Variants in EVL observed in about 807,000 individuals in gnomAD.
EVL encodes the protein Enah/Vasp-like, also known as ena/VASP-like protein.
In EVL, 21 loss-of-function variants were observed where a neutral mutation model predicts 59.6. The observed-to-expected ratio is 0.35, with a 90% CI of 0.25 to 0.51. The LOEUF (loss-of-function observed/expected upper bound fraction) is 0.51, where lower values mean the gene tolerates loss of function less well. Among genes scored for constraint, EVL ranks in the 20% least tolerant of loss-of-function variants. The pLI is 0.97. For missense variants in EVL, 462 were observed against 546.6 expected, an observed-to-expected ratio of 0.85 and a Z score of 1.54; for synonymous variants, 198 against 203.5, an observed-to-expected ratio of 0.97 and a Z score of 0.23.
At chr14:100,042,129 A>G (rs2061476783) in intron 1 of EVL, among the ~76,000 whole-genome samples, 1 of 152,254 alleles carries the variant, frequency 6.6e-6, no homozygotes, top group South Asian at 2.1e-4. Context: ...GGTAATATGA[A>G]AATTATTAAT....
At chr14:100,123,624 C>A (rs560774260) in intron 4 of EVL, 22 bp downstream of exon 4, 3 of 1,613,282 alleles carry the variant, frequency 1.9e-6, no homozygotes, top group Non-Finnish European at 2.5e-6. Flanking sequence ...CCCGCAGGGG[C>A]CAGGCTGGTC....
chr14:100,072,656 G>A (rs1036758301), intron 1 of EVL, among the ~76,000 whole-genome samples: 1 of 152,156 alleles, frequency 6.6e-6, no homozygotes, highest in Non-Finnish European at 1.5e-5. Context: ...GAAGTATCAT[G>A]GTATCTGCAG....
intron 2 of EVL, 131 bp downstream of exon 2, chr14:100,084,986 C>A: frequency 1.1e-6 from 1 of 912,548 alleles, no homozygotes; most frequent in East Asian, 2.6e-5. Flanking sequence ...GACCTGGGCT[C>A]AGATTTTGAC....
At chr14:100,061,707 A>T (rs2061838041), upstream of EVL, among the ~76,000 whole-genome samples, 1 of 152,144 alleles carries the variant, frequency 6.6e-6, no homozygotes, top group South Asian at 2.1e-4. Context: ...AGGAAGCCCT[A>T]CCAATAACAT....
At chr14:99,985,544 G>A (rs1352005418) in intron 1 of EVL, among the ~76,000 whole-genome samples, 1 of 151,946 alleles carries the variant, frequency 6.6e-6, no homozygotes, top group Non-Finnish European at 1.5e-5. Context: ...CAGGTGGGCG[G>A]ATCACCTGAG....
intron 11 of EVL, chr14:100,140,043 CAG>C: frequency 6.6e-6 from 1 of 152,034 alleles, no homozygotes; most frequent in Non-Finnish European, 1.5e-5. Flanking sequence ...CACTTGAGCC[CAG>C]GACTTGGAGA....
intron 1 of EVL, among the ~76,000 whole-genome samples, chr14:100,076,045 T>C (rs1487606199): frequency 1.3e-5 from 2 of 152,142 alleles, no homozygotes; most frequent in East Asian, 1.9e-4. Flanking sequence ...TTGAAAGCAA[T>C]GACAATGTGA....
intron 1 of EVL, among the ~76,000 whole-genome samples, chr14:100,067,555 C>T (rs1359904087): frequency 2.0e-5 from 3 of 152,186 alleles, no homozygotes; most frequent in Non-Finnish European, 4.4e-5. Context: ...CTCCCGGGCT[C>T]GAGCAAGCCT....
At chr14:100,066,698 T>C (rs1490506708) in intron 1 of EVL, among the ~76,000 whole-genome samples, 1 of 152,244 alleles carries the variant, frequency 6.6e-6, no homozygotes, top group East Asian at 1.9e-4. Flanking sequence ...TTGTGAAAAC[T>C]TCTAGCAGCT....
At chr14:100,028,138 T>TTTTG (rs2061248953) in intron 1 of EVL, among the ~76,000 whole-genome samples, 2 of 89,612 alleles carry the variant, frequency 2.2e-5, no homozygotes, top group African/African-American at 6.9e-5. Flanking sequence ...TTGTTTGTTT[T>TTTTG]TTTTTTTTTT....
At chr14:100,057,287 G>T (rs1430267908) in intron 1 of EVL, among the ~76,000 whole-genome samples, 1 of 152,142 alleles carries the variant, frequency 6.6e-6, no homozygotes, top group African/African-American at 2.4e-5. Flanking sequence ...ATTATATGTA[G>T]CATAGTGTCC....
At chr14:100,080,076 T>C (rs977625530) in intron 1 of EVL, among the ~76,000 whole-genome samples, 2 of 151,746 alleles carry the variant, frequency 1.3e-5, no homozygotes, top group Admixed American at 6.6e-5. Context: ...TTTTTTTTTT[T>C]CTCTTCAGTG....
At chr14:100,014,785 G>C (rs549927421) in intron 1 of EVL, among the ~76,000 whole-genome samples, 1 of 152,314 alleles carries the variant, frequency 6.6e-6, no homozygotes, top group East Asian at 1.9e-4. Flanking sequence ...AGGCTAGAAG[G>C]GTCTTAATTA....
Position 100,133,547 on chromosome 14 carries a change from C to T in EVL, c.900+768C>T, listed in dbSNP as rs182947858. On this transcript the variant is annotated intron_variant, in intron 8 of 13. Transcript: ENST00000392920. The stretch of plus-strand genomic sequence containing the variant: ...GGCTATAGCCCTCCCAGCTGATCCA[C>T]GCCTCTCAGCCCCGTCCTGGGCACA... Among the ~76,000 whole-genome samples the T allele has an allele frequency of 1.2e-3, 185 of 152,350 alleles. 1 individual carries two copies. The highest frequency in any genetic ancestry group is 4.3e-3 in the African/African-American group (179 of 41,582).
At chr14:99,989,271 T>C (rs2060860397) in intron 1 of EVL, among the ~76,000 whole-genome samples, 1 of 152,160 alleles carries the variant, frequency 6.6e-6, no homozygotes, top group Non-Finnish European at 1.5e-5. Flanking sequence ...TTTTATCATT[T>C]CTTCTTCCTT....
intron 1 of EVL, among the ~76,000 whole-genome samples, chr14:99,978,327 G>C: frequency 6.6e-6 from 1 of 151,670 alleles, no homozygotes; most frequent in East Asian, 1.9e-4. Context: ...GCGCGAACCC[G>C]GGAGGCGGAG....
At chr14:100,050,356 TA>T (rs199747834) in intron 1 of EVL, among the ~76,000 whole-genome samples, 22,847 of 60,908 alleles carry the variant, frequency 0.38, 1,929 homozygotes, top group Non-Finnish European at 0.41. Flanking sequence ...TTTATTTATT[TA>T]TTTATTTTTT....
chr14:100,050,095 A>G (rs1335478741), intron 1 of EVL, among the ~76,000 whole-genome samples: 1 of 152,236 alleles, frequency 6.6e-6, no homozygotes, highest in Non-Finnish European at 1.5e-5. Flanking sequence ...GTGGACTGCC[A>G]TAAATAAGAA....
intron 1 of EVL, among the ~76,000 whole-genome samples, chr14:100,050,370 T>A (rs1230210328): frequency 6.7e-6 from 1 of 148,888 alleles, no homozygotes; most frequent in South Asian, 2.1e-4. Context: ...TATTTTTTTT[T>A]AGACAGTCTC....
Sources: gnomAD v4.1 joint callset for allele counts (sites outside exome capture counted in the v4.1 genomes callset) on GRCh38, gnomAD v4.1.1 for gene constraint, MANE v1.5 for transcripts, NCBI Gene and HGNC (gene_info 2026-07-23, HGNC 2026-07-21) for gene names.